UNC5C: variants seen among roughly 807,000 people sequenced by gnomAD.
The protein encoded by UNC5C is unc-5 netrin receptor C, also known as netrin receptor UNC5C.
Under a neutral mutation model 99.8 loss-of-function variants are expected in UNC5C, and 47 were observed. The ratio of observed to expected loss-of-function variants is 0.47; its 90% CI spans 0.37 to 0.60. The LOEUF is 0.60. Ranked by LOEUF, UNC5C falls within the 20% of genes least tolerant of loss-of-function variation. The pLI is 0.00. For synonymous variants in UNC5C, 487 were observed against 452.2 expected (o/e 1.08, Z -0.98); for missense variants, 1,062 against 1,165.9 (o/e 0.91, Z 1.30).
chr4:95,497,052 A>G (rs1268798294), intron 1 of UNC5C, among the ~76,000 whole-genome samples: 3 of 151,892 alleles, frequency 2.0e-5, no homozygotes, highest in African/African-American at 7.2e-5. Flanking sequence ...GTATATACAT[A>G]CCACGTTTTC....
At chr4:95,415,477 C>G (rs1190923510) in intron 1 of UNC5C, among the ~76,000 whole-genome samples, 1 of 151,868 alleles carries the variant, frequency 6.6e-6, no homozygotes. Context: ...AGAAAACCAA[C>G]CAAAGAAGCA....
At chr4:95,229,803 T>C (rs1023031399) in intron 7 of UNC5C, among the ~76,000 whole-genome samples, 5 of 112,452 alleles carry the variant, frequency 4.4e-5, no homozygotes, top group Admixed American at 2.5e-4. Flanking sequence ...TTTCCTTTTT[T>C]TTTTTTTTTT....
intron 7 of UNC5C, among the ~76,000 whole-genome samples, chr4:95,220,880 TC>T (rs1363155011): frequency 1.3e-5 from 2 of 152,214 alleles, no homozygotes; most frequent in African/African-American, 4.8e-5. Context: ...CGGTCCCCTG[TC>T]AGAGATTTAC....
Position 95,252,585 on chromosome 4 carries a change from G to A in UNC5C, c.595-1918C>T, listed in dbSNP as rs185481970. ...TAACTTTCCAGAAGTCCCTTGCAGGGATGAGGCTGCAGCTACATCCTTGAG... is the reference window on the plus strand; with the variant it reads ...TAACTTTCCAGAAGTCCCTTGCAGGAATGAGGCTGCAGCTACATCCTTGAG... On this transcript the variant is annotated intron_variant, in intron 4 of 15. Transcript: ENST00000453304. Among the ~76,000 whole-genome samples, 667 of 152,282 alleles carry A rather than the reference G, an allele frequency of 4.4e-3. 2 individuals are homozygous for A. Among genetic ancestry groups the A allele is most frequent in the Non-Finnish European group, 5.9e-3 (404 of 68,030 alleles).
chr4:95,397,675 A>G (rs937683824), intron 1 of UNC5C, among the ~76,000 whole-genome samples: 1 of 152,210 alleles, frequency 6.6e-6, no homozygotes, highest in African/African-American at 2.4e-5. Context: ...TAGGACATGA[A>G]CGTACATGAT....
intron 12 of UNC5C, 46 bp downstream of exon 12, chr4:95,202,685 C>A (rs776714314): frequency 1.9e-6 from 3 of 1,581,622 alleles, no homozygotes; most frequent in South Asian, 1.1e-5. Flanking sequence ...AAAACCTTGG[C>A]TTCCAGGTGG....
chr4:95,222,332 G>C, intron 7 of UNC5C: 17 of 895,598 alleles, frequency 1.9e-5, no homozygotes, highest in Non-Finnish European at 2.2e-5. Flanking sequence ...AAAGAAAATA[G>C]GAAGCATGAA....
intron 1 of UNC5C, among the ~76,000 whole-genome samples, chr4:95,493,549 A>G (rs1046981216): frequency 6.6e-6 from 1 of 151,192 alleles, no homozygotes; most frequent in African/African-American, 2.4e-5. Context: ...AACTTTAACA[A>G]TTTTTTTTAA....
At chr4:95,341,498 A>G (rs1743576962) in intron 1 of UNC5C, among the ~76,000 whole-genome samples, 1 of 116,482 alleles carries the variant, frequency 8.6e-6, no homozygotes, top group Admixed American at 1.0e-4. Flanking sequence ...GAAAGAAAGA[A>G]GAAAGAGAGA....
chr4:95,212,991 C>T (rs990437017), intron 10 of UNC5C, among the ~76,000 whole-genome samples: 2 of 152,312 alleles, frequency 1.3e-5, no homozygotes, highest in African/African-American at 2.4e-5. Flanking sequence ...GCCTTCTGGG[C>T]GAGTCCTTCT....
intron 1 of UNC5C, among the ~76,000 whole-genome samples, chr4:95,353,867 A>C (rs1424088544): frequency 2.0e-5 from 3 of 152,104 alleles, no homozygotes; most frequent in Admixed American, 2.0e-4. Context: ...AAAATTAAAA[A>C]ACTATTTTAG....
At chr4:95,538,314 C>T (rs1184027401) in intron 1 of UNC5C, among the ~76,000 whole-genome samples, 1 of 152,174 alleles carries the variant, frequency 6.6e-6, no homozygotes, top group Non-Finnish European at 1.5e-5. Flanking sequence ...TGTGCAGTTA[C>T]TGGCTATTAG....
chr4:95,377,144 A>G (rs1744917990), intron 1 of UNC5C, among the ~76,000 whole-genome samples: 1 of 152,200 alleles, frequency 6.6e-6, no homozygotes, highest in South Asian at 2.1e-4. Flanking sequence ...ACAATGACAA[A>G]AGGAGTAGGC....
chr4:95,304,762 T>C (rs1045461258), intron 2 of UNC5C, among the ~76,000 whole-genome samples: 1 of 152,182 alleles, frequency 6.6e-6, no homozygotes, highest in African/African-American at 2.4e-5. Context: ...TAATGGTTCT[T>C]TATACGATGC....
In UNC5C at chr4:95,495,163, A is replaced by AT. The variant is rs1211659383; in HGVS notation, c.124+53570dup. Among the ~76,000 whole-genome samples, 23 of 151,394 alleles carry AT rather than the reference A, an allele frequency of 1.5e-4. No homozygotes were observed. In the East Asian group the frequency reaches 4.5e-3, roughly 30 times the overall value. On this transcript the variant is annotated intron_variant, in intron 1 of 15. Transcript: ENST00000453304. ...TTCAAAGGGCAAATTATTGTTCTCT[A>AT]TTTTTTTCTTTCTAAGTAATCACTT...
At chr4:95,415,880 T>A (rs569990973) in intron 1 of UNC5C, among the ~76,000 whole-genome samples, 81 of 152,128 alleles carry the variant, frequency 5.3e-4, no homozygotes, top group African/African-American at 1.8e-3. Flanking sequence ...AGACCACATT[T>A]CAAGTGCCTT....
At chr4:95,516,896 T>C (rs948194381) in intron 1 of UNC5C, among the ~76,000 whole-genome samples, 1 of 152,104 alleles carries the variant, frequency 6.6e-6, no homozygotes, top group Non-Finnish European at 1.5e-5. Context: ...GTGTTTCCTG[T>C]TGTACATACA....
intron 7 of UNC5C, 91 bp downstream of exon 7, chr4:95,242,338 G>A: frequency 6.6e-7 from 1 of 1,513,858 alleles, no homozygotes; most frequent in Non-Finnish European, 8.9e-7. Context: ...GTTGTTGAAA[G>A]AATTCTTTAT....
In UNC5C at chr4:95,466,052, A is replaced by G. The variant is rs546277968; in HGVS notation, c.124+82682T>C. 8.5e-5 allele frequency among the ~76,000 whole-genome samples: 13 copies of G among 152,188 alleles called. 1 individual carries two copies. The highest frequency in any genetic ancestry group is 4.1e-4 in the South Asian group (2 of 4,832). ...ACAGCAATAAGTATGTGTTTCAATC[A>G]TATGTTTTTAATGCTGAAGTCTTCA... On this transcript the variant is annotated intron_variant, in intron 1 of 15. Transcript: ENST00000453304.
Sources: allele counts gnomAD v4.1 joint callset (sites outside exome capture counted in the v4.1 genomes callset), GRCh38; gene constraint gnomAD v4.1.1; transcripts MANE v1.5; gene names NCBI Gene and HGNC (gene_info 2026-07-23, HGNC 2026-07-21).